RELN: variants seen among roughly 807,000 people sequenced by gnomAD.
RELN encodes the protein reelin.
Under a neutral mutation model 427.6 loss-of-function variants are expected in RELN, and 108 were observed. The observed-to-expected ratio is 0.25, with a 90% confidence interval of 0.22 to 0.30. The LOEUF is 0.30. Among genes scored for constraint, RELN ranks in the 10% least tolerant of loss-of-function variants. The pLI, the probability that RELN is intolerant of heterozygous loss-of-function variation, is 1.00. For synonymous variants in RELN, 1,524 were observed against 1,513.4 expected, an observed-to-expected ratio of 1.01 and a Z score of -0.16; for missense variants, 3,715 against 4,302.8, an observed-to-expected ratio of 0.86 and a Z score of 3.82.
chr7:103,970,097 C>G (rs1226032556), intron 1 of RELN, among the ~76,000 whole-genome samples: 1 of 151,880 alleles, frequency 6.6e-6, no homozygotes, highest in East Asian at 1.9e-4. Flanking sequence ...CTGCCTTCTT[C>G]TTTCAGATCT....
chr7:103,701,130 C>A (rs1584418626), intron 8 of RELN, 124 bp from the exon 9 acceptor site: 2 of 687,734 alleles, frequency 2.9e-6, no homozygotes, highest in East Asian at 5.5e-5. Context: ...CTTCCCCATT[C>A]TTCTAATGAT....
rs1387551751 is a variant in RELN at position 103,561,553 on chromosome 7, T to C, written c.5508A>G (p.Gly1836=). The C allele has an allele frequency of 1.2e-6, 2 of 1,613,656 alleles. No homozygotes were observed. The highest frequency in any genetic ancestry group is 8.5e-7 in the Non-Finnish European group (1 of 1,179,626). The part of the protein sequence containing the change: ...GNLNGETIKS[G]TSLIFKGEGL... Reference sequence around the variant, plus strand: ...TGACCCCTTTAAAAATTAGAGATGTTCCAGATTTGATGGTTTCACCATTCA... The same window carrying C: ...TGACCCCTTTAAAAATTAGAGATGTCCCAGATTTGATGGTTTCACCATTCA... Residue 1836 remains glycine, a synonymous_variant, in exon 36 of 65, where the codon GGA becomes GGG. Transcript: ENST00000428762.
intron 4 of RELN, among the ~76,000 whole-genome samples, chr7:103,772,229 C>T (rs969456379): frequency 3.3e-5 from 5 of 152,140 alleles, no homozygotes; most frequent in South Asian, 2.1e-4. Context: ...AAAGCACAGC[C>T]CTTACCCTCA....
intron 22 of RELN, among the ~76,000 whole-genome samples, chr7:103,607,716 C>T (rs867046272): frequency 6.6e-6 from 1 of 152,202 alleles, no homozygotes. Context: ...GTTATGTTAC[C>T]TGAGGGATCA....
At chr7:103,510,555 A>C (rs1829373755) in intron 51 of RELN, among the ~76,000 whole-genome samples, 1 of 152,120 alleles carries the variant, frequency 6.6e-6, no homozygotes, top group Non-Finnish European at 1.5e-5. Flanking sequence ...GGGTGCAGCA[A>C]ACCACCATGC....
intron 4 of RELN, among the ~76,000 whole-genome samples, chr7:103,773,969 A>G (rs1433495084): frequency 6.6e-6 from 1 of 152,106 alleles, no homozygotes; most frequent in East Asian, 1.9e-4. Context: ...GCTAGGACAG[A>G]GGTCTTGCAG....
intron 28 of RELN, among the ~76,000 whole-genome samples, chr7:103,581,721 G>T (rs1831154409): frequency 6.8e-6 from 1 of 147,694 alleles, no homozygotes; most frequent in Admixed American, 6.7e-5. Context: ...TTTGTGACTT[G>T]CTTTGACCAA....
chr7:103,723,277 G>C, intron 7 of RELN, 86 bp from the exon 8 acceptor site: 3 of 778,768 alleles, frequency 3.9e-6, no homozygotes, highest in Non-Finnish European at 6.8e-6. Context: ...GGGAGGGGAA[G>C]AGTTAAAAAA....
intron 24 of RELN, among the ~76,000 whole-genome samples, chr7:103,600,062 A>G (rs557834040): frequency 8.4e-4 from 127 of 151,840 alleles, no homozygotes; most frequent in African/African-American, 2.9e-3. Context: ...ATGCCCAGCT[A>G]ATTTTATTTT....
At chr7:103,696,457 C>T (rs1833977829) in intron 10 of RELN, among the ~76,000 whole-genome samples, 2 of 152,138 alleles carry the variant, frequency 1.3e-5, no homozygotes, top group Non-Finnish European at 2.9e-5. Flanking sequence ...TCAAGATAAT[C>T]AAAATTGATA....
intron 38 of RELN, among the ~76,000 whole-genome samples, chr7:103,556,571 T>G (rs1830526215): frequency 6.6e-6 from 1 of 152,122 alleles, no homozygotes; most frequent in African/African-American, 2.4e-5. Flanking sequence ...AGGTGGGAGA[T>G]AATTTGAATC....
rs80064325 is a variant in RELN at position 103,905,002 on chromosome 7, A to G, written c.337+12073T>C. ...TTTTTTTTTTTTTTTTTTTTTTTTG[A>G]GATAATCTCGCTTTGTCGCCCAGGC... On this transcript the variant is annotated intron_variant, in intron 2 of 64. Transcript: ENST00000428762. Among the ~76,000 whole-genome samples the G allele has an allele frequency of 4.4e-5, 3 of 68,062 alleles. No homozygotes were observed. In the Admixed American group the frequency reaches 5.9e-4, roughly 13 times the overall value. The allele number at this position is 68,062 out of a possible 152,430, so 44.7% of individuals were successfully genotyped here. A position where few individuals can be genotyped will look rare whatever the true frequency, so the allele number is the denominator to read the frequency against.
intron 38 of RELN, 104 bp from the exon 39 acceptor site, chr7:103,553,935 A>G (rs1227752962): frequency 3.2e-6 from 3 of 940,610 alleles, no homozygotes; most frequent in Non-Finnish European, 5.1e-6. Context: ...CAGTAACAAT[A>G]GGTTAAACAT....
At chr7:103,604,266 T>A in intron 23 of RELN, 80 bp downstream of exon 23, 5 of 1,532,584 alleles carry the variant, frequency 3.3e-6, no homozygotes, top group Non-Finnish European at 4.5e-6. Context: ...TCCATGTCAC[T>A]CTGATGACAA....
chr7:103,934,560 G>A lies in RELN; in HGVS notation c.227-17375C>T, dbSNP rs112286045. ...TCACAACTTCCAAGGCTGACATGGAGGGTCCATGTAATCATTGTGTTCATC... is the reference window on the plus strand; with the variant it reads ...TCACAACTTCCAAGGCTGACATGGAAGGTCCATGTAATCATTGTGTTCATC... On this transcript the variant is annotated intron_variant, in intron 1 of 64. Coordinates refer to ENST00000428762, the MANE Select transcript of RELN (RefSeq NM_005045.4). 2.4e-4 allele frequency among the ~76,000 whole-genome samples: 37 copies of A among 152,316 alleles called. 1 individual carries two copies. Among genetic ancestry groups the A allele is most frequent in the African/African-American group, 8.7e-4 (36 of 41,570 alleles).
Position 103,652,659 on chromosome 7 carries a change from A to G in RELN, c.1655T>C (p.Val552Ala), listed in dbSNP as rs144116037. ...QKNHQGHNRNVWAVDFFHVLP... is the reference protein window; with the variant it reads ...QKNHQGHNRNAWAVDFFHVLP... ...GACATGGAAAAAGTCTACAGCCCAGACATTCCTATTATGTCCTTGATGGTT... is the reference window on the plus strand; with the variant it reads ...GACATGGAAAAAGTCTACAGCCCAGGCATTCCTATTATGTCCTTGATGGTT... Residue 552 changes from valine to alanine, a missense_variant, in exon 14 of 65, where the codon GTC (valine) becomes GCC (alanine). Coordinates refer to ENST00000428762, the MANE Select transcript of RELN (RefSeq NM_005045.4). 1.5e-5 allele frequency: 25 copies of G among 1,613,002 alleles called. No individual in the cohort carries two copies. The African/African-American group carries it at 3.1e-4, about 20-fold the overall frequency.
intron 8 of RELN, among the ~76,000 whole-genome samples, chr7:103,708,955 G>C (rs1253050251): frequency 3.3e-5 from 5 of 152,066 alleles, no homozygotes; most frequent in African/African-American, 1.2e-4. Flanking sequence ...CCTCTCACCA[G>C]AATGTTGGCC....
At chr7:103,609,161 T>C (rs767646860) in intron 22 of RELN, among the ~76,000 whole-genome samples, 31 of 147,404 alleles carry the variant, frequency 2.1e-4, no homozygotes, top group Non-Finnish European at 4.0e-4. Flanking sequence ...AAATGAAGGC[T>C]GCAATGAGCC....
In RELN at chr7:103,593,785, C is replaced by A. The variant is rs1831475457; in HGVS notation, c.3809G>T (p.Cys1270Phe). The A allele has an allele frequency of 1.2e-6, 2 of 1,613,300 alleles. No individual in the cohort carries two copies. Among genetic ancestry groups the A allele is most frequent in the African/African-American group, 2.7e-5 (2 of 74,898 alleles). Residue 1270 changes from cysteine (C) to phenylalanine (F), a missense_variant, in exon 27 of 65, where the codon TGT becomes TTT. By Grantham distance (205) the Cys-to-Phe change is radical (BLOSUM62 -2). This residue lies in a region of RELN where 2,208 missense variants were observed against 2,361.7 expected (regional missense o/e 0.93). Transcript: ENST00000428762. ...NEGMVKNETF[C>F]AATPSAMIFG... ...TATCATTGCTGATGGTGTGGCAGCA[C>A]AGAAGGTTTCATTTTTAACCATTCC...
Sources: gnomAD v4.1 joint callset for allele counts (sites outside exome capture counted in the v4.1 genomes callset) on GRCh38, gnomAD v4.1.1 for gene constraint, gnomAD v4.1.1 regional missense constraint, MANE v1.5 for transcripts, NCBI Gene and HGNC (gene_info 2026-07-23, HGNC 2026-07-21) for gene names.